Variants in RBPJL observed in about 807,000 individuals in gnomAD.
The protein encoded by RBPJL is recombination signal binding protein for immunoglobulin kappa J region like, also known as recombining binding protein suppressor of hairless-like protein.
RBPJL carries 50 observed loss-of-function variants against 57.6 expected under a neutral mutation model. The observed-to-expected ratio is 0.87, with a 90% confidence interval of 0.69 to 1.10. The LOEUF (loss-of-function observed/expected upper bound fraction) is 1.10. RBPJL is among the 50% of genes least tolerant of loss of function. The pLI, the probability that RBPJL is intolerant of heterozygous loss-of-function variation, is 0.00. For missense variants in RBPJL, 684 were observed against 693.7 expected (o/e 0.99, Z 0.16); for synonymous variants, 303 against 294.4 (o/e 1.03, Z -0.30).
intron 3 of RBPJL, among the ~76,000 whole-genome samples, chr20:45,310,612 A>T (rs190843743): frequency 8.9e-4 from 136 of 152,204 alleles, no homozygotes; most frequent in African/African-American, 3.2e-3. Context: ...TCTCAAAAAA[A>T]AAAAGGGCAA....
Position 45,311,631 on chromosome 20 carries a change from C to G in RBPJL, c.300C>G (p.Gly100=). 6.2e-7 allele frequency: 1 copy of G among 1,614,142 alleles called. No individual in the cohort carries two copies. Among genetic ancestry groups the G allele is most frequent in the Non-Finnish European group, 8.5e-7 (1 of 1,180,024 alleles). ...CCTGTGTCTACCTCTCGGGGCCTGG[C>G]TGGAGGGTGAAGCCAGGGCAGGATC... The part of the protein sequence containing the change: ...PPPCVYLSGP[G]WRVKPGQDQA... Residue 100 remains glycine (G), a synonymous_variant, in exon 4 of 12, where the codon GGC becomes GGG. Transcript: ENST00000343694.
intron 4 of RBPJL, 79 bp downstream of exon 4, chr20:45,311,738 G>T: frequency 1.3e-6 from 2 of 1,565,620 alleles, no homozygotes; most frequent in East Asian, 2.3e-5. Context: ...GGGGCGGTTC[G>T]CAGGCGCAGT....
At chr20:45,309,811 A>C (rs1389033473) in intron 3 of RBPJL, 119 bp downstream of exon 3, 1 of 1,326,204 alleles carries the variant, frequency 7.5e-7, no homozygotes, top group African/African-American at 1.5e-5. Context: ...GATCTCAGCT[A>C]TTGGTCGACC....
intron 9 of RBPJL, 23 bp from the exon 10 acceptor site, chr20:45,316,164 C>T (rs201095196): frequency 1.4e-4 from 232 of 1,606,468 alleles, no homozygotes; most frequent in East Asian, 7.4e-4. Context: ...GCTTCGGCCT[C>T]GTCCCCTTGG....
In RBPJL at chr20:45,312,235, C is replaced by T. The variant is rs778112586; in HGVS notation, c.459C>T (p.Ala153=). ...GAGCCCCCTAGGAATTCGGCTGCGCCAAGACCCTGTACATCTCAGATGCAG... is the reference window on the plus strand; with the variant it reads ...GAGCCCCCTAGGAATTCGGCTGCGCTAAGACCCTGTACATCTCAGATGCAG... ...QQPDSREFGC[A]KTLYISDADK... Residue 153 remains alanine (A), a synonymous_variant, in exon 6 of 12, where the codon GCC becomes GCT. Coordinates refer to ENST00000343694, the MANE Select transcript of RBPJL (RefSeq NM_014276.4). 6.2e-7 allele frequency: 1 copy of T among 1,614,234 alleles called. No individual in the cohort carries two copies. The highest frequency in any genetic ancestry group is 1.7e-5 in the Admixed American group (1 of 60,028).
intron 7 of RBPJL, among the ~76,000 whole-genome samples, 198 bp downstream of exon 7, chr20:45,313,803 T>G (rs1361259611): frequency 6.6e-6 from 1 of 152,208 alleles, no homozygotes; most frequent in Non-Finnish European, 1.5e-5. Context: ...CCTTTCCCCA[T>G]ATATCAACTA....
chr20:45,312,521 GGAGCC>G, intron 6 of RBPJL, 126 bp downstream of exon 6: 1 of 912,266 alleles, frequency 1.1e-6, no homozygotes, highest in Admixed American at 2.6e-5. Context: ...AGGTGGAGTC[GGAGCC>G]GAGAGGGGAA....
At position 45,316,643 on chromosome 20, in the gene RBPJL, C is replaced by T. The variant is rs547484997; in HGVS notation, c.1281-43C>T. 13 of 1,531,386 alleles carry T rather than the reference C, an allele frequency of 8.5e-6. No individual in the cohort carries two copies. The East Asian group carries it at 2.9e-4, about 34-fold the overall frequency. 94.9% of individuals were successfully genotyped at this position (1,531,386 alleles called of 1,614,324 possible). The stretch of plus-strand genomic sequence containing the variant: ...GAGCAGGGGAAGGGGGTGCACGCGT[C>T]GTCGGAGTCGCCGCAGCCCTCACCC... On this transcript the variant is annotated intron_variant, in intron 11 of 11. Transcript: ENST00000343694.
chr20:45,317,034 C>T lies in RBPJL; in HGVS notation c.*75C>T, dbSNP rs2743340. 6.7e-7 allele frequency: 1 copy of T among 1,502,392 alleles called. No homozygotes were observed. The highest frequency in any genetic ancestry group is 8.9e-7 in the Non-Finnish European group (1 of 1,117,922). 93.1% of individuals were successfully genotyped at this position (1,502,392 alleles called of 1,614,324 possible). A position where few individuals can be genotyped will look rare whatever the true frequency, so the allele number is the denominator to read the frequency against. ...AGGCGCGGGGACGTGTTTCTGGGTTCTAGGCCCTGCTTCCTTGCCCCTTTG... is the reference window on the plus strand; with the variant it reads ...AGGCGCGGGGACGTGTTTCTGGGTTTTAGGCCCTGCTTCCTTGCCCCTTTG... On this transcript the variant is annotated 3_prime_UTR_variant, in exon 12 of 12. Transcript: ENST00000343694.
chr20:45,313,621 G>A lies in RBPJL; in HGVS notation c.757+16G>A. Reference sequence around the variant, plus strand: ...CTCCACCTGGGTAATGACATCTGCAGGCCCTGGAGCTGGGCACTTCACATG... The same window carrying A: ...CTCCACCTGGGTAATGACATCTGCAAGCCCTGGAGCTGGGCACTTCACATG... On this transcript the variant is annotated intron_variant, in intron 7 of 11. Transcript: ENST00000343694. 6.3e-7 allele frequency: 1 copy of A among 1,595,132 alleles called. No homozygotes were observed. The highest frequency in any genetic ancestry group is 8.5e-7 in the Non-Finnish European group (1 of 1,169,764).
chr20:45,314,411 A>T lies in RBPJL; in HGVS notation c.868-2A>T, dbSNP rs1411285628. On this transcript the variant is annotated splice_acceptor_variant, in intron 8 of 11. Coordinates refer to ENST00000343694, the MANE Select transcript of RBPJL (RefSeq NM_014276.4). LOFTEE classifies it high-confidence loss of function. ...ACTGTTCTTACCATCCTTCCATTGC[A>T]GATCATCCGTAAAGTAGCAAAACAG... 1 of 1,611,812 alleles carries T rather than the reference A, an allele frequency of 6.2e-7. No homozygotes were observed. Among genetic ancestry groups the T allele is most frequent in the African/African-American group, 1.3e-5 (1 of 75,034 alleles).
rs1987185236 is a variant in RBPJL, at chr20:45,311,798, C to A, written c.329-41C>A. 3 of 1,531,348 alleles carry A rather than the reference C, an allele frequency of 2.0e-6. No homozygotes were observed. The East Asian group carries it at 7.3e-5, about 37-fold the overall frequency. 94.9% of individuals were successfully genotyped at this position (1,531,348 alleles called of 1,614,324 possible). On this transcript the variant is annotated intron_variant, in intron 4 of 11. Coordinates refer to ENST00000343694, the MANE Select transcript of RBPJL (RefSeq NM_014276.4). ...CGCTAAGCTTGCCTGGCACCTGCGTCCTCCCGAGTCCTTGCAGAGCCAGTT... is the reference window on the plus strand; with the variant it reads ...CGCTAAGCTTGCCTGGCACCTGCGTACTCCCGAGTCCTTGCAGAGCCAGTT...
In RBPJL at chr20:45,311,819, C is replaced by A; in HGVS notation, c.329-20C>A. 1.3e-6 allele frequency: 2 copies of A among 1,544,182 alleles called. No individual in the cohort carries two copies. The highest frequency in any genetic ancestry group is 1.8e-6 in the Non-Finnish European group (2 of 1,139,644). On this transcript the variant is annotated intron_variant, in intron 4 of 11. Coordinates refer to ENST00000343694, the MANE Select transcript of RBPJL (RefSeq NM_014276.4). ...GCGTCCTCCCGAGTCCTTGCAGAGC[C>A]AGTTCGCGTCCCTTTCCAGCTCACC... is the stretch of plus-strand genomic sequence containing the variant.
chr20:45,311,839 C>T lies in RBPJL; in HGVS notation c.329C>T (p.Ala110Val). Residue 110 changes from alanine to valine, a missense_variant and splice_region_variant, in exon 5 of 12, where the codon GCT (alanine) becomes GTT (valine). By Grantham distance (64) the Ala-to-Val change is moderately conservative. Transcript: ENST00000343694. ...AGAGCCAGTTCGCGTCCCTTTCCAG[C>T]TCACCAGGCGGGGGAAACGGGGCCC... ...GWRVKPGQDQ[A>V]HQAGETGPTV... The T allele has an allele frequency of 6.4e-7, 1 of 1,551,426 alleles. No individual in the cohort carries two copies. Among genetic ancestry groups the T allele is most frequent in the South Asian group, 1.2e-5 (1 of 84,150 alleles).
chr20:45,310,269 G>T (rs924250390), intron 3 of RBPJL, among the ~76,000 whole-genome samples: 2 of 152,200 alleles, frequency 1.3e-5, no homozygotes, highest in Non-Finnish European at 2.9e-5. Context: ...ATGCTGAAAT[G>T]GAGCCAGACA....
At chr20:45,315,786 A>G (rs1987423452) in intron 9 of RBPJL, 1 of 154,496 alleles carries the variant, frequency 6.5e-6, no homozygotes, top group African/African-American at 2.5e-5. Context: ...AAGAAGAGAG[A>G]AAGAGAGAGA....
chr20:45,312,827 CAAA>C (rs749039599), intron 6 of RBPJL, among the ~76,000 whole-genome samples: 7 of 84,812 alleles, frequency 8.3e-5, no homozygotes, highest in Non-Finnish European at 5.2e-5. Flanking sequence ...TTGTCTGTAC[CAAA>C]AAAAAAAAAA....
chr20:45,312,036 G>A (rs1469267061), intron 5 of RBPJL, 82 bp downstream of exon 5: 3 of 1,442,222 alleles, frequency 2.1e-6, no homozygotes, highest in African/African-American at 1.4e-5. Context: ...ACTCCCCTCC[G>A]AAAGCCAAGA....
In RBPJL at chr20:45,311,573, T is replaced by A. The variant is rs771841456; in HGVS notation, c.258-16T>A. 9 of 1,613,740 alleles carry A rather than the reference T, an allele frequency of 5.6e-6. No homozygotes were observed. The highest frequency in any genetic ancestry group is 7.6e-6 in the Non-Finnish European group (9 of 1,179,728). On this transcript the variant is annotated splice_polypyrimidine_tract_variant and intron_variant, in intron 3 of 11. Coordinates refer to ENST00000343694, the MANE Select transcript of RBPJL (RefSeq NM_014276.4). ...GGAGATGGATGCACGACTCCAACAC[T>A]CACTTATCTCCGCAGGTTCTTCTGC...
Sources: allele counts gnomAD v4.1 joint callset (sites outside exome capture counted in the v4.1 genomes callset), GRCh38; gene constraint gnomAD v4.1.1; transcripts MANE v1.5; gene names NCBI Gene and HGNC (gene_info 2026-07-23, HGNC 2026-07-21).